The following NPAS3 variants were observed in gnomAD, a reference collection of about 807,000 sequenced individuals.
NPAS3 encodes the protein neuronal PAS domain protein 3, also known as neuronal PAS domain-containing protein 3.
NPAS3 carries 14 observed loss-of-function variants against 73.1 expected under a neutral mutation model. That is an observed-to-expected ratio of 0.19 (90% CI 0.13 to 0.30). The LOEUF (loss-of-function observed/expected upper bound fraction) is 0.30, where lower values mean the gene tolerates loss of function less well. Ranked by LOEUF, NPAS3 falls within the 10% of genes least tolerant of loss-of-function variation. NPAS3 has a pLI of 1.00. For missense variants in NPAS3, 1,096 were observed against 1,250.0 expected (o/e 0.88, Z 1.86); for synonymous variants, 620 against 541.5 (o/e 1.14, Z -2.01).
chr14:33,294,550 G>A (rs752510814), intron 3 of NPAS3, among the ~76,000 whole-genome samples: 1 of 152,012 alleles, frequency 6.6e-6, no homozygotes, highest in Non-Finnish European at 1.5e-5. Context: ...TCCACTGATT[G>A]GAAGTTCCAT....
At chr14:33,237,412 G>A (rs760021360) in intron 3 of NPAS3, among the ~76,000 whole-genome samples, 40 of 152,076 alleles carry the variant, frequency 2.6e-4, no homozygotes, top group Non-Finnish European at 4.7e-4. Context: ...AATGATGTAT[G>A]TGGAATGTTA....
chr14:33,692,690 A>G (rs555915122), intron 6 of NPAS3, among the ~76,000 whole-genome samples: 2 of 152,274 alleles, frequency 1.3e-5, no homozygotes, highest in East Asian at 3.9e-4. Context: ...GCAGGATTGC[A>G]GAGCCTCTAG....
intron 3 of NPAS3, among the ~76,000 whole-genome samples, chr14:33,337,922 C>T (rs1294402346): frequency 6.7e-6 from 1 of 150,130 alleles, no homozygotes; most frequent in South Asian, 2.1e-4. Context: ...GATCTTTTGT[C>T]CTGAAACCTT....
intron 5 of NPAS3, among the ~76,000 whole-genome samples, chr14:33,604,873 A>C (rs2057508453): frequency 6.6e-6 from 1 of 152,128 alleles, no homozygotes; most frequent in Non-Finnish European, 1.5e-5. Context: ...CAAACATATA[A>C]AAAGGGAAAT....
At chr14:33,790,120 C>T (rs1316338392) in intron 9 of NPAS3, among the ~76,000 whole-genome samples, 7 of 152,164 alleles carry the variant, frequency 4.6e-5, no homozygotes, top group Non-Finnish European at 8.8e-5. Context: ...CTGTTCCTTT[C>T]CCTTTGTAGT....
At chr14:33,731,219 T>C (rs1404674146) in intron 6 of NPAS3, among the ~76,000 whole-genome samples, 1 of 151,936 alleles carries the variant, frequency 6.6e-6, no homozygotes, top group Admixed American at 6.6e-5. Context: ...CTGGGCAACA[T>C]GGTGAAACCC....
intron 4 of NPAS3, among the ~76,000 whole-genome samples, chr14:33,533,586 G>A (rs2054131981): frequency 6.6e-6 from 1 of 152,062 alleles, no homozygotes; most frequent in Admixed American, 6.6e-5. Flanking sequence ...TATTAGAAGG[G>A]ATCAAGTAAT....
intron 1 of NPAS3, among the ~76,000 whole-genome samples, chr14:33,038,052 AT>A (rs2040228767): frequency 6.6e-6 from 1 of 152,038 alleles, no homozygotes; most frequent in African/African-American, 2.4e-5. Context: ...GGAAAGATCT[AT>A]TTCCTCTTTT....
intron 5 of NPAS3, among the ~76,000 whole-genome samples, chr14:33,586,708 A>G (rs1049684650): frequency 3.3e-5 from 5 of 152,310 alleles, no homozygotes; most frequent in Admixed American, 6.5e-5. Context: ...TTCTTTAAGC[A>G]GTATTTGCCA....
At chr14:33,661,112 AAAGAC>A (rs1413237304) in intron 5 of NPAS3, among the ~76,000 whole-genome samples, 1 of 151,578 alleles carries the variant, frequency 6.6e-6, no homozygotes, top group Non-Finnish European at 1.5e-5. Context: ...AAAAAAAAAA[AAAGAC>A]AGCCGGCAAA....
At chr14:33,272,805 A>G (rs967138397) in intron 3 of NPAS3, among the ~76,000 whole-genome samples, 21 of 152,302 alleles carry the variant, frequency 1.4e-4, no homozygotes, top group African/African-American at 5.1e-4. Context: ...GTCTTCCTCC[A>G]AAGCAGTTAC....
rs1223746330 is a variant in NPAS3, at chr14:33,800,356, C to G, written c.2049C>G (p.Thr683=). The change falls in exon 12 of 12, where the codon ACC becomes ACG. Residue 683 remains threonine, a synonymous_variant. Transcript: ENST00000356141. The surrounding 1 kb of genome is among the most constrained non-coding windows in gnomAD (Gnocchi z 6.5). ...GGAACGAGTCCCCCTACAGCATGAC[C>G]AAGCCCCCCAGCTCTGAGCACTTCC... 1.9e-6 allele frequency: 3 copies of G among 1,612,508 alleles called. No individual in the cohort carries two copies. In the South Asian group the frequency reaches 3.3e-5, roughly 18 times the overall value.
At chr14:33,641,364 T>C (rs1423207653) in intron 5 of NPAS3, among the ~76,000 whole-genome samples, 1 of 152,210 alleles carries the variant, frequency 6.6e-6, no homozygotes, top group Non-Finnish European at 1.5e-5. Flanking sequence ...ACACAGTCCC[T>C]AATTTAATCA....
chr14:33,411,013 C>G (rs544269365), intron 4 of NPAS3, among the ~76,000 whole-genome samples: 3 of 152,262 alleles, frequency 2.0e-5, no homozygotes, highest in African/African-American at 7.2e-5. Flanking sequence ...ATGATATAGC[C>G]TCTTGAACCC....
chr14:33,104,362 A>G (rs1401840621), intron 2 of NPAS3, among the ~76,000 whole-genome samples: 1 of 152,178 alleles, frequency 6.6e-6, no homozygotes, highest in Non-Finnish European at 1.5e-5. Context: ...ATTTCAGTTC[A>G]TGTGGGTAAA....
chr14:33,577,101 T>C (rs1465471226), intron 5 of NPAS3, among the ~76,000 whole-genome samples: 2 of 152,230 alleles, frequency 1.3e-5, no homozygotes, highest in African/African-American at 4.8e-5. Flanking sequence ...GATGAAACTT[T>C]TGGTAGGTAC....
intron 5 of NPAS3, among the ~76,000 whole-genome samples, chr14:33,667,248 C>A (rs942124093): frequency 1.3e-5 from 2 of 152,170 alleles, no homozygotes; most frequent in Non-Finnish European, 1.5e-5. Flanking sequence ...CTCGTGCCTT[C>A]CATATGGGGC....
chr14:33,782,814 G>A (rs552532982), intron 9 of NPAS3, among the ~76,000 whole-genome samples: 1 of 149,612 alleles, frequency 6.7e-6, no homozygotes, highest in South Asian at 2.1e-4. Context: ...CTTGGGGGTT[G>A]TTTTTTTTTA....
chr14:33,122,433 T>C (rs1198751758), intron 2 of NPAS3, among the ~76,000 whole-genome samples: 1 of 152,138 alleles, frequency 6.6e-6, no homozygotes, highest in African/African-American at 2.4e-5. Flanking sequence ...GGTTCAGACA[T>C]TGCCACATAA....
Sources: allele counts gnomAD v4.1 joint callset (sites outside exome capture counted in the v4.1 genomes callset), GRCh38; gene constraint gnomAD v4.1.1; non-coding constraint Gnocchi (gnomAD v3.1); transcripts MANE v1.5; gene names NCBI Gene and HGNC (gene_info 2026-07-23, HGNC 2026-07-21).